Variants in ETV6 observed in about 807,000 individuals in gnomAD.
ETV6 encodes the protein ETS variant transcription factor 6, also known as transcription factor ETV6.
Under a neutral mutation model 51.1 loss-of-function variants are expected in ETV6, and 16 were observed. The ratio of observed to expected loss-of-function variants is 0.31; its 90% confidence interval spans 0.21 to 0.48. The LOEUF is 0.48. ETV6 is among the 20% of genes least tolerant of loss of function. The probability of loss-of-function intolerance (pLI) is 0.99; values close to 1 mark genes in which losing one functional copy is unlikely to be tolerated. For synonymous variants in ETV6, 240 were observed against 224.1 expected, an observed-to-expected ratio of 1.07 and a Z score of -0.64; for missense variants, 458 against 594.8, an observed-to-expected ratio of 0.77 and a Z score of 2.39.
intron 1 of ETV6, among the ~76,000 whole-genome samples, chr12:11,711,988 T>C (rs1036160388): frequency 3.3e-5 from 5 of 152,226 alleles, no homozygotes; most frequent in African/African-American, 9.6e-5. Context: ...CTGTGTTTTT[T>C]AGTCCTAAAA....
At chr12:11,862,250 C>T (rs1298638578) in intron 4 of ETV6, among the ~76,000 whole-genome samples, 1 of 152,154 alleles carries the variant, frequency 6.6e-6, no homozygotes, top group Non-Finnish European at 1.5e-5. Flanking sequence ...CAGTTTTCTT[C>T]TCAGGCCCTC....
chr12:11,858,346 T>G (rs764753079), intron 4 of ETV6, among the ~76,000 whole-genome samples: 1 of 151,966 alleles, frequency 6.6e-6, no homozygotes, highest in Non-Finnish European at 1.5e-5. Context: ...GATGATAACT[T>G]CTTTTCACAC....
intron 1 of ETV6, among the ~76,000 whole-genome samples, chr12:11,650,659 A>T (rs1863889717): frequency 6.6e-6 from 1 of 152,026 alleles, no homozygotes; most frequent in Non-Finnish European, 1.5e-5. Flanking sequence ...GTCTGATCAG[A>T]CAGGATTTTT....
intron 2 of ETV6, among the ~76,000 whole-genome samples, chr12:11,770,118 G>A (rs1188866638): frequency 6.6e-6 from 1 of 152,060 alleles, no homozygotes; most frequent in East Asian, 1.9e-4. Context: ...CTTCATAGCC[G>A]TTGCTCTTCA....
chr12:11,711,011 T>C (rs1030202980), intron 1 of ETV6, among the ~76,000 whole-genome samples: 3 of 152,210 alleles, frequency 2.0e-5, no homozygotes, highest in Non-Finnish European at 2.9e-5. Context: ...AGGCCTCAGC[T>C]AGACTTGGTA....
At chr12:11,873,330 T>TCC in intron 5 of ETV6, among the ~76,000 whole-genome samples, 1 of 152,316 alleles carries the variant, frequency 6.6e-6, no homozygotes, top group Non-Finnish European at 1.5e-5. Context: ...CTGTGTGTAC[T>TCC]CCACTCTTCT....
intron 2 of ETV6, among the ~76,000 whole-genome samples, chr12:11,770,297 G>A (rs1019722100): frequency 1.3e-5 from 2 of 151,984 alleles, no homozygotes; most frequent in Admixed American, 1.3e-4. Context: ...CCAAGACTCT[G>A]TGTGACTGAG....
chr12:11,731,537 A>G (rs1484782643), intron 1 of ETV6, among the ~76,000 whole-genome samples: 2 of 152,048 alleles, frequency 1.3e-5, no homozygotes, highest in African/African-American at 2.4e-5. Flanking sequence ...AAGAGAAGAG[A>G]AAGAATAATT....
At chr12:11,884,637 C>T (rs1403432149) in intron 6 of ETV6, 50 bp downstream of exon 6, 4 of 1,604,856 alleles carry the variant, frequency 2.5e-6, no homozygotes, top group Non-Finnish European at 3.4e-6. Context: ...AAAATGAAGT[C>T]CTTATCCCTG....
intron 1 of ETV6, among the ~76,000 whole-genome samples, chr12:11,667,951 C>T (rs192086017): frequency 6.6e-6 from 1 of 152,076 alleles, no homozygotes; most frequent in African/African-American, 2.4e-5. Flanking sequence ...CCACCCGCTT[C>T]GGCCTCCCAA....
intron 2 of ETV6, among the ~76,000 whole-genome samples, chr12:11,762,789 G>A (rs887239935): frequency 6.6e-6 from 1 of 152,190 alleles, no homozygotes; most frequent in African/African-American, 2.4e-5. Context: ...GCTGTGAAAA[G>A]GGGGTGTAAG....
rs192064597 is a variant in ETV6, at chr12:11,827,111, C to T, written c.164-12029C>T. Among the ~76,000 whole-genome samples, 921 of 146,934 alleles carry T rather than the reference C, an allele frequency of 6.3e-3. 5 individuals are homozygous for T. Among genetic ancestry groups the T allele is most frequent in the Middle Eastern group, 0.01 (3 of 288 alleles). On this transcript the variant is annotated intron_variant, in intron 2 of 7. Coordinates refer to ENST00000396373, the MANE Select transcript of ETV6 (RefSeq NM_001987.5). ...ACACACACACACACACACACACACA[C>T]AAATGCAACACAATTATCTTTAAAT... is the stretch of plus-strand genomic sequence containing the variant.
chr12:11,722,365 T>C (rs370324410), intron 1 of ETV6, among the ~76,000 whole-genome samples: 1 of 152,208 alleles, frequency 6.6e-6, no homozygotes, highest in Non-Finnish European at 1.5e-5. Flanking sequence ...CAAACTGTAA[T>C]CGCTTTGAAT....
chr12:11,682,777 T>A (rs1396820510), intron 1 of ETV6, among the ~76,000 whole-genome samples: 1 of 152,194 alleles, frequency 6.6e-6, no homozygotes, highest in African/African-American at 2.4e-5. Flanking sequence ...GGAAGGGGTT[T>A]CAGTTTTCTG....
chr12:11,811,419 T>C (rs1220378396), intron 2 of ETV6, among the ~76,000 whole-genome samples: 3 of 152,228 alleles, frequency 2.0e-5, no homozygotes, highest in Non-Finnish European at 4.4e-5. Flanking sequence ...AAGGACTCGC[T>C]GCCTTCGAAA....
intron 1 of ETV6, among the ~76,000 whole-genome samples, chr12:11,707,236 C>G (rs11054424): frequency 0.32 from 48,918 of 152,090 alleles, 8,071 homozygotes; most frequent in East Asian, 0.43. Context: ...ATCACATTCC[C>G]TGCTTCTCAA....
intron 1 of ETV6, among the ~76,000 whole-genome samples, chr12:11,713,367 T>A (rs1359087316): frequency 6.6e-6 from 1 of 152,256 alleles, no homozygotes; most frequent in Non-Finnish European, 1.5e-5. Flanking sequence ...TTTGTGTGTC[T>A]AGACTTTCCG....
In ETV6 at chr12:11,649,690, T is replaced by A. The variant is rs1268677879; in HGVS notation, c.-438T>A. Among the ~76,000 whole-genome samples, 4 of 149,674 alleles carry A rather than the reference T, an allele frequency of 2.7e-5. No homozygotes were observed. The highest frequency in any genetic ancestry group is 4.5e-5 in the Non-Finnish European group (3 of 67,148). On this transcript the variant is annotated 5_prime_UTR_variant, in exon 1 of 8. Coordinates refer to ENST00000396373, the MANE Select transcript of ETV6 (RefSeq NM_001987.5). ...TGGGAATTCACGTCAGTTTCTGCACTGAAACTCTCAAGATCAATGAGCAAA... is the reference window on the plus strand; with the variant it reads ...TGGGAATTCACGTCAGTTTCTGCACAGAAACTCTCAAGATCAATGAGCAAA...
chr12:11,759,083 T>C (rs929532496), intron 2 of ETV6, among the ~76,000 whole-genome samples: 4 of 152,136 alleles, frequency 2.6e-5, no homozygotes, highest in African/African-American at 7.2e-5. Context: ...GAATTTCCGA[T>C]GCAGGCAGAC....
Sources: gnomAD v4.1 joint callset for allele counts (sites outside exome capture counted in the v4.1 genomes callset) on GRCh38, gnomAD v4.1.1 for gene constraint, MANE v1.5 for transcripts, NCBI Gene and HGNC (gene_info 2026-07-23, HGNC 2026-07-21) for gene names.